ADRA1A: variants seen among roughly 807,000 people sequenced by gnomAD.
ADRA1A encodes alpha-1A adrenergic receptor.
Under a neutral mutation model 29.6 loss-of-function variants are expected in ADRA1A, and 31 were observed. That is an observed-to-expected ratio of 1.05 (90% CI 0.79 to 1.41). The LOEUF (loss-of-function observed/expected upper bound fraction) is 1.41, where lower values mean the gene tolerates loss of function less well. Among genes scored for constraint, ADRA1A ranks in the 40% most tolerant of loss-of-function variants. The pLI is 0.00. For missense variants in ADRA1A, 619 were observed against 601.1 expected (o/e 1.03, Z -0.31); for synonymous variants, 311 against 254.3 (o/e 1.22, Z -2.12).
At chr8:26,822,388 T>C (rs73231577) in intron 2 of ADRA1A, among the ~76,000 whole-genome samples, 19,940 of 152,264 alleles carry the variant, frequency 0.13, 1,617 homozygotes, top group Middle Eastern at 0.3. Flanking sequence ...ATGCAACTAC[T>C]CAGAACTTGA....
chr8:26,756,706 A>G, exon 3 of ADRA1A: 3 of 1,613,952 alleles, frequency 1.9e-6, no homozygotes, highest in Non-Finnish European at 2.5e-6. Context: ...GGTGGGTTTC[A>G]TGCTCCCCTT....
At chr8:26,837,959 G>A (rs571952635) in intron 2 of ADRA1A, among the ~76,000 whole-genome samples, 1 of 152,200 alleles carries the variant, frequency 6.6e-6, no homozygotes, top group Non-Finnish European at 1.5e-5. Flanking sequence ...GTCTTTTAGT[G>A]ATTGTATGCA....
chr8:26,803,146 A>G (rs899929017), intron 2 of ADRA1A, among the ~76,000 whole-genome samples: 2 of 152,096 alleles, frequency 1.3e-5, no homozygotes, highest in African/African-American at 4.8e-5. Context: ...GATATGAAGA[A>G]TGATATCTAG....
intron 2 of ADRA1A, among the ~76,000 whole-genome samples, chr8:26,820,568 C>A (rs1396571440): frequency 1.3e-5 from 2 of 152,134 alleles, no homozygotes; most frequent in South Asian, 4.2e-4. Flanking sequence ...GACTTTTCAC[C>A]ACCTTCCCCA....
chr8:26,785,393 C>T (rs1807299020), intron 2 of ADRA1A, among the ~76,000 whole-genome samples: 1 of 152,166 alleles, frequency 6.6e-6, no homozygotes, highest in Admixed American at 6.5e-5. Flanking sequence ...AAGAGCTGAG[C>T]TGACGTCTGG....
chr8:26,805,260 T>G lies in ADRA1A; in HGVS notation c.884-34594A>C, dbSNP rs529856707. 3.3e-5 allele frequency among the ~76,000 whole-genome samples: 5 copies of G among 152,334 alleles called. No individual in the cohort carries two copies. In the South Asian group the frequency reaches 1.0e-3, roughly 32 times the overall value. Reference sequence around the variant, plus strand: ...TTGTCCACTCTCAATTTACACCTATTGCCTCAGTATGGTTATTAATTGTGC... The same window carrying G: ...TTGTCCACTCTCAATTTACACCTATGGCCTCAGTATGGTTATTAATTGTGC... On this transcript the variant is annotated intron_variant, in intron 2 of 2. Transcript: ENST00000380573. This position sits in a 1 kb window ranked among gnomAD's most constrained non-coding sequence, Gnocchi z 4.8.
In ADRA1A at chr8:26,830,815, T is replaced by C. The variant is rs1276162043; in HGVS notation, c.883+33272A>G. 2.0e-5 allele frequency among the ~76,000 whole-genome samples: 3 copies of C among 152,194 alleles called. No individual in the cohort carries two copies. The East Asian group carries it at 5.8e-4, about 29-fold the overall frequency. On this transcript the variant is annotated intron_variant, in intron 2 of 2. Transcript: ENST00000380573. Reference sequence around the variant, plus strand: ...GGCTTGTGTTAACTCTTTTGGAATATTAAAATTGTTTCTGTAGCCTGCCAG... The same window carrying C: ...GGCTTGTGTTAACTCTTTTGGAATACTAAAATTGTTTCTGTAGCCTGCCAG...
At chr8:26,832,105 T>C (rs987636846) in intron 2 of ADRA1A, among the ~76,000 whole-genome samples, 1 of 152,208 alleles carries the variant, frequency 6.6e-6, no homozygotes, top group East Asian at 1.9e-4. Flanking sequence ...AGGGAGGAGA[T>C]TCGGTTTGCA....
chr8:26,749,642 G>A (rs1804838610), intron 2 of ADRA1A, among the ~76,000 whole-genome samples: 1 of 152,142 alleles, frequency 6.6e-6, no homozygotes, highest in Admixed American at 6.5e-5. Context: ...TATGAAGAGG[G>A]CAGGAAGACT....
At chr8:26,782,289 G>T (rs992919050) in intron 2 of ADRA1A, among the ~76,000 whole-genome samples, 1 of 152,152 alleles carries the variant, frequency 6.6e-6, no homozygotes, top group East Asian at 1.9e-4. Flanking sequence ...TATCAGTCAT[G>T]GGTCCTGTAT....
chr8:26,810,552 G>A (rs1007155467), intron 2 of ADRA1A, among the ~76,000 whole-genome samples: 22 of 152,242 alleles, frequency 1.4e-4, no homozygotes, highest in African/African-American at 5.1e-4. Context: ...CCAGCTTTAA[G>A]TAACAATATC....
In ADRA1A at chr8:26,805,613, C is replaced by T. The variant is rs1259733897; in HGVS notation, c.884-34947G>A. On this transcript the variant is annotated intron_variant, in intron 2 of 2. Coordinates refer to ENST00000380573, the MANE Select transcript of ADRA1A (RefSeq NM_000680.4). The surrounding 1 kb of genome is among the most constrained non-coding windows in gnomAD (Gnocchi z 4.8). ...CAGGCATGAGAGGCTAAGTAACTTG[C>T]CCAAGGCCATGGAACAAGTGAGAGA... Among the ~76,000 whole-genome samples, 1 of 152,166 alleles carries T rather than the reference C, an allele frequency of 6.6e-6. No homozygotes were observed. Among genetic ancestry groups the T allele is most frequent in the Non-Finnish European group, 1.5e-5 (1 of 68,020 alleles).
intron 2 of ADRA1A, among the ~76,000 whole-genome samples, chr8:26,861,139 C>T (rs988891644): frequency 6.6e-6 from 1 of 152,136 alleles, no homozygotes; most frequent in Non-Finnish European, 1.5e-5. Flanking sequence ...CCTGACCTCT[C>T]AGCTGCATGT....
At chr8:26,762,467 A>G (rs965129465), downstream of ADRA1A, among the ~76,000 whole-genome samples, 6 of 152,148 alleles carry the variant, frequency 3.9e-5, no homozygotes, top group Non-Finnish European at 8.8e-5. This position sits in a 1 kb window ranked among gnomAD's most constrained non-coding sequence, Gnocchi z 4.0. Context: ...GCCCCATCTC[A>G]TCACTCAGAG....
chr8:26,846,469 T>C (rs766827780), intron 2 of ADRA1A, among the ~76,000 whole-genome samples: 3 of 152,168 alleles, frequency 2.0e-5, no homozygotes, highest in Non-Finnish European at 4.4e-5. Context: ...TGTGACACTA[T>C]GACAGAAAGA....
rs925241906 is a variant in ADRA1A at position 26,866,949 on chromosome 8, G to T, written c.-700C>A. 2 of 985,170 alleles carry T rather than the reference G, an allele frequency of 2.0e-6. No homozygotes were observed. Among genetic ancestry groups the T allele is most frequent in the Non-Finnish European group, 2.4e-6 (2 of 829,834 alleles). The allele number at this position is 985,170 out of a possible 1,614,324, so 61.0% of individuals were successfully genotyped here. A position where few individuals can be genotyped will look rare whatever the true frequency, so the allele number is the denominator to read the frequency against. Reference sequence around the variant, plus strand: ...CGGCGCACTCACCTGAAGCGCCGCTGCTGAGCCACCAGCTCGCGCGCGGGG... The same window carrying T: ...CGGCGCACTCACCTGAAGCGCCGCTTCTGAGCCACCAGCTCGCGCGCGGGG... On this transcript the variant is annotated 5_prime_UTR_variant, in exon 1 of 3. Coordinates refer to ENST00000380573, the MANE Select transcript of ADRA1A (RefSeq NM_000680.4). The surrounding 1 kb of genome is among the most constrained non-coding windows in gnomAD (Gnocchi z 5.7).
intron 2 of ADRA1A, among the ~76,000 whole-genome samples, chr8:26,788,007 G>A (rs755704988): frequency 7.6e-4 from 115 of 151,738 alleles, no homozygotes; most frequent in Non-Finnish European, 1.5e-3. Context: ...TGTGGTTCTG[G>A]TTTACACAAT....
chr8:26,820,418 T>C (rs1453326021), intron 2 of ADRA1A, among the ~76,000 whole-genome samples: 3 of 152,238 alleles, frequency 2.0e-5, no homozygotes. Flanking sequence ...TTGTCAATTA[T>C]TACCTCAATA....
intron 2 of ADRA1A, among the ~76,000 whole-genome samples, chr8:26,791,138 C>T (rs1049226515): frequency 2.0e-5 from 3 of 152,174 alleles, no homozygotes; most frequent in Non-Finnish European, 4.4e-5. Flanking sequence ...GAACATTTTG[C>T]TATTTTATTT....
Sources: allele counts gnomAD v4.1 joint callset (sites outside exome capture counted in the v4.1 genomes callset), GRCh38; gene constraint gnomAD v4.1.1; non-coding constraint Gnocchi (gnomAD v3.1); transcripts MANE v1.5; gene names NCBI Gene and HGNC (gene_info 2026-07-23, HGNC 2026-07-21).